Variants in DIS3L observed in about 807,000 individuals in gnomAD.
DIS3L encodes the protein DIS3 like exosome 3'-5' exoribonuclease.
In DIS3L, 100 loss-of-function variants were observed where a neutral mutation model predicts 120.3. The ratio of observed to expected loss-of-function variants is 0.83; its 90% CI spans 0.71 to 0.98. The LOEUF (loss-of-function observed/expected upper bound fraction) is 0.98. Among genes scored for constraint, DIS3L ranks in the 50% least tolerant of loss-of-function variants. DIS3L has a pLI of 0.00. For missense variants in DIS3L, 1,196 were observed against 1,314.2 expected, an observed-to-expected ratio of 0.91 and a Z score of 1.39; for synonymous variants, 426 against 470.6, an observed-to-expected ratio of 0.91 and a Z score of 1.23.
In DIS3L at chr15:66,329,046, T is replaced by A. The variant is rs142975431; in HGVS notation, c.2278T>A (p.Ser760Thr). Reference protein sequence around the residue: ...HDPIVNRLLRSMATQAMSNAL... With the variant: ...HDPIVNRLLRTMATQAMSNAL... ...TCCCATTGTGAACAGGCTACTGCGC[T>A]CCATGGCCACGCAGGCCATGTCGAA... Residue 760 changes from serine to threonine, a missense_variant, in exon 13 of 17, where the codon TCC becomes ACC. Ser to Thr is a moderately conservative substitution (Grantham distance 58). Coordinates refer to ENST00000319212, the MANE Select transcript of DIS3L (RefSeq NM_001143688.3). 6.2e-7 allele frequency: 1 copy of A among 1,614,104 alleles called. No individual in the cohort carries two copies. Among genetic ancestry groups the A allele is most frequent in the African/African-American group, 1.3e-5 (1 of 74,942 alleles).
Position 66,321,770 on chromosome 15 carries a change from A to AC in DIS3L, c.1327-917_1327-916insC, listed in dbSNP as rs1490689191. Among the ~76,000 whole-genome samples the AC allele has an allele frequency of 6.6e-3, 1,008 of 152,164 alleles. 17 individuals carry two copies. Among genetic ancestry groups the AC allele is most frequent in the African/African-American group, 0.023 (966 of 41,480 alleles). ...GACAGAGCGAGACTGTCTCAAAAAA[A>AC]AAAAAAAAAATGTTACTTTGAACAT... On this transcript the variant is annotated intron_variant, in intron 9 of 16. Transcript: ENST00000319212.
rs35742157 is a variant in DIS3L, at chr15:66,321,763, CAAA to C, written c.1327-909_1327-907del. 5.6e-4 allele frequency among the ~76,000 whole-genome samples: 57 copies of C among 100,992 alleles called. No homozygotes were observed. The Middle Eastern group carries it at 0.018, about 31-fold the overall frequency. The allele number at this position is 100,992 out of a possible 152,430, so 66.3% of individuals were successfully genotyped here. A position where few individuals can be genotyped will look rare whatever the true frequency, so the allele number is the denominator to read the frequency against. ...CCTGGGTGACAGAGCGAGACTGTCT[CAAA>C]AAAAAAAAAAAAAATGTTACTTTGA... On this transcript the variant is annotated intron_variant, in intron 9 of 16. Transcript: ENST00000319212.
intron 11 of DIS3L, among the ~76,000 whole-genome samples, chr15:66,324,074 CACTT>C (rs1274053033): frequency 2.0e-5 from 3 of 152,206 alleles, no homozygotes; most frequent in Non-Finnish European, 2.9e-5. Flanking sequence ...CACTTTCCCT[CACTT>C]ACCAGTTCCG....
At chr15:66,313,851 GTA>G (rs1208580556) in intron 5 of DIS3L, among the ~76,000 whole-genome samples, 186 bp from the exon 6 acceptor site, 2,676 of 146,542 alleles carry the variant, frequency 0.018, 37 homozygotes, top group Middle Eastern at 0.042. Context: ...ATGTGTGTGC[GTA>G]TATATATGTG....
chr15:66,321,763 C>CA (rs35742157), intron 9 of DIS3L, among the ~76,000 whole-genome samples: 10,570 of 100,832 alleles, frequency 0.1, 463 homozygotes, highest in Middle Eastern at 0.17. Context: ...GAGACTGTCT[C>CA]AAAAAAAAAA....
intron 11 of DIS3L, among the ~76,000 whole-genome samples, chr15:66,324,369 T>G (rs2092915462): frequency 6.6e-6 from 1 of 152,200 alleles, no homozygotes; most frequent in Non-Finnish European, 1.5e-5. Context: ...AGACAGAGTT[T>G]CACATGTTGC....
chr15:66,301,240 G>C (rs2092644495), intron 2 of DIS3L, among the ~76,000 whole-genome samples: 1 of 151,940 alleles, frequency 6.6e-6, no homozygotes, highest in Admixed American at 6.6e-5. Context: ...CCAGTCCAAG[G>C]AACTAAGGTT....
At chr15:66,321,094 G>A (rs2092878575) in intron 9 of DIS3L, among the ~76,000 whole-genome samples, 2 of 152,180 alleles carry the variant, frequency 1.3e-5, no homozygotes. Flanking sequence ...ACCAGAGGCT[G>A]CATAAAGCTG....
chr15:66,325,701 C>T (rs967060127), intron 11 of DIS3L, 130 bp from the exon 12 acceptor site: 2 of 1,030,720 alleles, frequency 1.9e-6, no homozygotes, highest in Non-Finnish European at 2.8e-6. Flanking sequence ...ATTGAGGCAG[C>T]AGTGAGCAGT....
At chr15:66,303,819 C>T (rs1032676177) in intron 2 of DIS3L, among the ~76,000 whole-genome samples, 3 of 151,940 alleles carry the variant, frequency 2.0e-5, no homozygotes, top group Admixed American at 6.6e-5. Context: ...AGGCCGGGCG[C>T]GGTGGCTCAT....
At chr15:66,304,336 C>T (rs925200723) in intron 2 of DIS3L, among the ~76,000 whole-genome samples, 4 of 151,574 alleles carry the variant, frequency 2.6e-5, no homozygotes, top group African/African-American at 9.7e-5. Context: ...GCCTGTAGTC[C>T]CAGCTACTCA....
rs2140425590 is a variant in DIS3L, at chr15:66,333,136, G to C, written c.2989G>C (p.Val997Leu). The change falls in exon 17 of 17, where the codon GTG becomes CTG. Residue 997 changes from valine to leucine, a missense_variant. Coordinates refer to ENST00000319212, the MANE Select transcript of DIS3L (RefSeq NM_001143688.3). ...QSSPLLKSEL[V>L]KEVTKSVEEA... ...TTCCCCCTTGCTGAAGAGTGAGTTA[G>C]TGAAAGAAGTAACTAAATCTGTGGA... 1 of 1,613,670 alleles carries C rather than the reference G, an allele frequency of 6.2e-7. No homozygotes were observed. Among genetic ancestry groups the C allele is most frequent in the Non-Finnish European group, 8.5e-7 (1 of 1,180,036 alleles).
intron 4 of DIS3L, 25 bp downstream of exon 4, chr15:66,308,869 T>C (rs780106607): frequency 1.1e-5 from 17 of 1,599,622 alleles, no homozygotes; most frequent in Non-Finnish European, 1.5e-5. Context: ...TGTATATGTA[T>C]GAGTGCTCAT....
intron 15 of DIS3L, among the ~76,000 whole-genome samples, 176 bp from the exon 16 acceptor site, chr15:66,332,560 T>C (rs2093012526): frequency 6.7e-6 from 1 of 148,618 alleles, no homozygotes; most frequent in South Asian, 2.1e-4. Flanking sequence ...GGGTCTTTCT[T>C]ATCCAGCAAA....
chr15:66,330,766 C>T (rs2092990941), intron 14 of DIS3L, among the ~76,000 whole-genome samples: 2 of 152,166 alleles, frequency 1.3e-5, no homozygotes, highest in Non-Finnish European at 2.9e-5. Context: ...AATTTATAAC[C>T]ATCCTTATGG....
chr15:66,303,652 A>G (rs1224739412), intron 2 of DIS3L, among the ~76,000 whole-genome samples: 6 of 152,194 alleles, frequency 3.9e-5, no homozygotes, highest in East Asian at 1.9e-4. Context: ...TATTTTTTCA[A>G]TGTTTTCTCT....
Position 66,329,331 on chromosome 15 carries a change from ATTAAGGGAAATCTG to A in DIS3L, c.2470_2483del (p.Lys824GlnfsTer6). 1 of 1,614,136 alleles carries A rather than the reference ATTAAGGGAAATCTG, an allele frequency of 6.2e-7. No homozygotes were observed. Among genetic ancestry groups the A allele is most frequent in the East Asian group, 2.2e-5 (1 of 44,856 alleles). ...CATTTCAAAAGATAAGAAAATGGAAATTAAGGGAAATCTGTTCAGCAACAAAGATCTTGAGGAAT... is the reference window on the plus strand; with the variant it reads ...CATTTCAAAAGATAAGAAAATGGAAATTCAGCAACAAAGATCTTGAGGAAT... On this transcript the variant is annotated frameshift_variant, in exon 14 of 17. Coordinates refer to ENST00000319212, the MANE Select transcript of DIS3L (RefSeq NM_001143688.3). LOFTEE classifies it high-confidence loss of function.
In DIS3L at chr15:66,323,475, C is replaced by T. The variant is rs749926160; in HGVS notation, c.1575-18C>T. The T allele has an allele frequency of 3.0e-5, 48 of 1,613,588 alleles. No homozygotes were observed. The African/African-American group carries it at 3.7e-4, about 13-fold the overall frequency. ...CTCCCTGCTAAAGGTCGCGTTGCCG[C>T]GTGTGTGTCATTCACAGGGCCACCA... On this transcript the variant is annotated intron_variant, in intron 10 of 16. Transcript: ENST00000319212.
Position 66,314,132 on chromosome 15 carries a change from T to C in DIS3L, c.814+15T>C. 6.9e-7 allele frequency: 1 copy of C among 1,445,428 alleles called. No homozygotes were observed. Among genetic ancestry groups the C allele is most frequent in the Non-Finnish European group, 9.1e-7 (1 of 1,102,188 alleles). 89.5% of individuals were successfully genotyped at this position (1,445,428 alleles called of 1,614,324 possible). A position where few individuals can be genotyped will look rare whatever the true frequency, so the allele number is the denominator to read the frequency against. On this transcript the variant is annotated intron_variant, in intron 6 of 16. Transcript: ENST00000319212. The stretch of plus-strand genomic sequence containing the variant: ...TAAAGATTCAGGTTCAGTATAAACC[T>C]TACATAAATTTCCATACTCCTTTTT...
Sources: allele counts gnomAD v4.1 joint callset (sites outside exome capture counted in the v4.1 genomes callset), GRCh38; gene constraint gnomAD v4.1.1; transcripts MANE v1.5; gene names NCBI Gene and HGNC (gene_info 2026-07-23, HGNC 2026-07-21).